The following TTLL7 variants were observed in gnomAD, a reference collection of about 807,000 sequenced individuals.
The protein encoded by TTLL7 is tubulin polyglutamylase TTLL7.
A neutral mutation model predicts 120.2 loss-of-function variants in TTLL7; 53 were observed. The observed-to-expected ratio is 0.44, with a 90% CI of 0.35 to 0.55. TTLL7 has a LOEUF of 0.55. TTLL7 is among the 20% of genes least tolerant of loss of function. The probability of loss-of-function intolerance (pLI) is 0.00; values close to 1 mark genes in which losing one functional copy is unlikely to be tolerated. For missense variants in TTLL7, 803 were observed against 1,054.7 expected (o/e 0.76, Z 3.31); for synonymous variants, 353 against 351.7 (o/e 1.00, Z -0.04).
At chr1:83,949,731 C>T in intron 4 of TTLL7, 134 bp downstream of exon 4, 2 of 942,242 alleles carry the variant, frequency 2.1e-6, no homozygotes, top group East Asian at 2.6e-5. Context: ...AACTGGATAG[C>T]AACAAAACAG....
rs551829312 is a variant in TTLL7, at chr1:83,938,069, G to A, written c.724-53C>T. On this transcript the variant is annotated intron_variant, in intron 7 of 20. Transcript: ENST00000260505. ...ACCACCTATGACATCCTAGAACTGC[G>A]AAGTTTCAGAGGAAAAAAAGACACT... 1.7e-3 allele frequency: 2,604 copies of A among 1,561,692 alleles called. 9 individuals carry two copies. The highest frequency in any genetic ancestry group is 6.1e-3 in the South Asian group (539 of 88,240).
At chr1:83,910,186 T>C (rs1202405986) in intron 15 of TTLL7, among the ~76,000 whole-genome samples, 1 of 152,172 alleles carries the variant, frequency 6.6e-6, no homozygotes, top group African/African-American at 2.4e-5. Flanking sequence ...TTATTCCTCA[T>C]GCATTTTGCC....
Position 83,995,399 on chromosome 1 carries a change from C to T in TTLL7, c.-177+3532G>A, listed in dbSNP as rs189748366. Reference sequence around the variant, plus strand: ...ATGCATCCCTTTGGCGGTAAGTGAGCGCTCACTCTGAGTTCTCACAAGATC... The same window carrying T: ...ATGCATCCCTTTGGCGGTAAGTGAGTGCTCACTCTGAGTTCTCACAAGATC... On this transcript the variant is annotated intron_variant, in intron 1 of 20. Coordinates refer to ENST00000260505, the MANE Select transcript of TTLL7 (RefSeq NM_024686.6). Among the ~76,000 whole-genome samples, 182 of 151,456 alleles carry T rather than the reference C, an allele frequency of 1.2e-3. 2 individuals carry two copies. Among genetic ancestry groups the T allele is most frequent in the Non-Finnish European group, 4.1e-4 (28 of 67,900 alleles).
chr1:83,892,513 T>C (rs1234216116), intron 18 of TTLL7, among the ~76,000 whole-genome samples: 1 of 141,376 alleles, frequency 7.1e-6, no homozygotes, highest in Admixed American at 7.1e-5. Context: ...TGAATGAACA[T>C]ATATATGAAC....
At chr1:83,966,544 C>T (rs899255419) in intron 1 of TTLL7, among the ~76,000 whole-genome samples, 1 of 151,938 alleles carries the variant, frequency 6.6e-6, no homozygotes, top group African/African-American at 2.4e-5. Flanking sequence ...GATATACCAA[C>T]CTAAATATAA....
chr1:83,940,746 A>G (rs150459002), intron 7 of TTLL7, among the ~76,000 whole-genome samples: 78 of 152,292 alleles, frequency 5.1e-4, no homozygotes, highest in African/African-American at 1.8e-3. Flanking sequence ...TGGTCAGACT[A>G]GAATACAACT....
intron 3 of TTLL7, 141 bp downstream of exon 3, chr1:83,951,704 G>A (rs1231069190): frequency 1.1e-5 from 10 of 883,696 alleles, no homozygotes; most frequent in Non-Finnish European, 1.7e-5. Context: ...CTTCTAATAT[G>A]TTAGAAATTT....
chr1:83,909,428 C>T (rs1264561554), intron 15 of TTLL7, among the ~76,000 whole-genome samples: 1 of 151,746 alleles, frequency 6.6e-6, no homozygotes, highest in Non-Finnish European at 1.5e-5. Context: ...AAACTATATA[C>T]AAGACAAAGT....
chr1:83,954,734 G>T (rs1313323818), intron 1 of TTLL7, among the ~76,000 whole-genome samples: 1 of 151,846 alleles, frequency 6.6e-6, no homozygotes, highest in Non-Finnish European at 1.5e-5. Flanking sequence ...CGATGACAAT[G>T]CAACAAATAA....
intron 6 of TTLL7, chr1:83,946,286 C>T (rs1163873085): frequency 2.6e-5 from 4 of 152,112 alleles, no homozygotes; most frequent in East Asian, 1.9e-4. Context: ...CTCCTGTCCT[C>T]GTGATCCGCC....
chr1:83,998,934 G>A lies in TTLL7; in HGVS notation c.-180C>T, dbSNP rs781182048. The stretch of plus-strand genomic sequence containing the variant: ...GATGGCGGCAGCAGGTACTCACCCG[G>A]GTGAGGAAAGCCCAGCCCGGGTCCT... On this transcript the variant is annotated 5_prime_UTR_variant, in exon 1 of 21. Coordinates refer to ENST00000260505, the MANE Select transcript of TTLL7 (RefSeq NM_024686.6). The A allele has an allele frequency of 2.4e-5, 10 of 413,942 alleles. No homozygotes were observed. The highest frequency in any genetic ancestry group is 1.7e-4 in the South Asian group (10 of 58,928). The allele number at this position is 413,942 out of a possible 1,614,324, so 25.6% of individuals were successfully genotyped here.
At chr1:83,950,090 G>C (rs1005619640) in intron 3 of TTLL7, 104 bp from the exon 4 acceptor site, 14 of 1,037,724 alleles carry the variant, frequency 1.3e-5, no homozygotes, top group Non-Finnish European at 2.7e-6. Flanking sequence ...TATTTCATTT[G>C]AAAAATATTA....
chr1:83,926,748 CTTAA>C, intron 10 of TTLL7, among the ~76,000 whole-genome samples: 1 of 152,228 alleles, frequency 6.6e-6, no homozygotes, highest in East Asian at 1.9e-4. Flanking sequence ...GGCAATTTAA[CTTAA>C]TTTAATTTAA....
chr1:83,932,859 C>T (rs1659720889), intron 9 of TTLL7, among the ~76,000 whole-genome samples: 1 of 152,076 alleles, frequency 6.6e-6, no homozygotes, highest in Admixed American at 6.6e-5. Context: ...GATCAAGGAG[C>T]TTAAAGGGAA....
intron 1 of TTLL7, among the ~76,000 whole-genome samples, chr1:83,993,951 A>T (rs1393076666): frequency 1.3e-5 from 2 of 152,214 alleles, no homozygotes; most frequent in African/African-American, 4.8e-5. Context: ...CTTTAACTTA[A>T]CTCCAGGAAA....
At chr1:83,996,605 C>A (rs1237022369) in intron 1 of TTLL7, among the ~76,000 whole-genome samples, 1 of 152,166 alleles carries the variant, frequency 6.6e-6, no homozygotes, top group African/African-American at 2.4e-5. Flanking sequence ...GTCTGCACCA[C>A]CCTTTTCTGG....
intron 6 of TTLL7, among the ~76,000 whole-genome samples, chr1:83,945,749 T>C (rs1648430482): frequency 6.6e-6 from 1 of 151,760 alleles, no homozygotes; most frequent in Non-Finnish European, 1.5e-5. Flanking sequence ...AATATAAGTA[T>C]ATAAATATAG....
chr1:83,885,814 C>T (rs1376794317), intron 19 of TTLL7, among the ~76,000 whole-genome samples: 1 of 152,002 alleles, frequency 6.6e-6, no homozygotes, highest in Admixed American at 6.6e-5. Context: ...ACTTTCAACA[C>T]TAGCAACACA....
At chr1:83,929,079 G>T in intron 10 of TTLL7, 57 bp downstream of exon 10, 1 of 1,132,798 alleles carries the variant, frequency 8.8e-7, no homozygotes, top group South Asian at 1.6e-5. Flanking sequence ...ATGTACAAAT[G>T]ATTAATCTAT....
Sources: allele counts gnomAD v4.1 joint callset (sites outside exome capture counted in the v4.1 genomes callset), GRCh38; gene constraint gnomAD v4.1.1; transcripts MANE v1.5; gene names NCBI Gene and HGNC (gene_info 2026-07-23, HGNC 2026-07-21).